The following CSNK1G2 variants were observed in gnomAD, a reference collection of about 807,000 sequenced individuals.
CSNK1G2 encodes casein kinase I isoform gamma-2.
CSNK1G2 carries 11 observed loss-of-function variants against 48.0 expected under a neutral mutation model. The ratio of observed to expected loss-of-function variants is 0.23; its 90% confidence interval spans 0.14 to 0.38. The LOEUF is 0.38. Among genes scored for constraint, CSNK1G2 ranks in the 10% least tolerant of loss-of-function variants. The pLI is 1.00. For missense variants in CSNK1G2, 446 were observed against 595.5 expected (o/e 0.75, Z 2.61); for synonymous variants, 337 against 254.1 (o/e 1.33, Z -3.10).
intron 2 of CSNK1G2, chr19:1,976,161 G>A (rs958396129): frequency 3.4e-6 from 4 of 1,182,660 alleles, no homozygotes; most frequent in Middle Eastern, 2.2e-4. Context: ...TTTGGGGCAC[G>A]GCTCCTGTTG....
At chr19:1,975,057 G>A in intron 2 of CSNK1G2, 1 of 985,426 alleles carries the variant, frequency 1.0e-6, no homozygotes, top group Non-Finnish European at 1.2e-6. Flanking sequence ...CCAGGTCTCT[G>A]ACACGCCAGC....
intron 1 of CSNK1G2, among the ~76,000 whole-genome samples, chr19:1,941,807 T>A (rs959415335): frequency 1.7e-5 from 2 of 116,652 alleles, no homozygotes; most frequent in African/African-American, 6.3e-5. Context: ...CCCCGGTGAC[T>A]GTCGTGCTCC....
chr19:1,969,994 G>A (rs772029532), intron 2 of CSNK1G2, 35 bp downstream of exon 2: 5 of 1,295,674 alleles, frequency 3.9e-6, no homozygotes, highest in Admixed American at 6.2e-5. Context: ...GGGGTCGGGA[G>A]GCTGCTGGCA....
chr19:1,972,876 G>A (rs111422313), intron 2 of CSNK1G2, among the ~76,000 whole-genome samples: 5 of 151,358 alleles, frequency 3.3e-5, no homozygotes, highest in South Asian at 4.2e-4. Flanking sequence ...CACCTGCCTC[G>A]GCCTCCCAAA....
intron 1 of CSNK1G2, among the ~76,000 whole-genome samples, chr19:1,944,343 T>G (rs62129468): frequency 0.018 from 2,664 of 152,192 alleles, 47 homozygotes; most frequent in Non-Finnish European, 0.026. Context: ...CGCGTCTGCT[T>G]CTTCCTCATT....
chr19:1,956,971 C>T (rs1017837419), intron 1 of CSNK1G2, among the ~76,000 whole-genome samples: 11 of 152,214 alleles, frequency 7.2e-5, no homozygotes, highest in Non-Finnish European at 1.3e-4. Flanking sequence ...GCCAATGGCT[C>T]ACCTGGAAGA....
At position 1,979,224 on chromosome 19, in the gene CSNK1G2, C is replaced by T. The variant is rs1421383407; in HGVS notation, c.744C>T (p.Gly248=). ...LGHMFMYFLR[G]SLPWQGLKAD... ...ACATGTTCATGTACTTCCTGCGCGG[C>T]AGCCTCCCCTGGCAGGGGCTCAAGG... The change falls in exon 7 of 12, where the codon GGC becomes GGT. Residue 248 remains glycine, a synonymous_variant. Transcript: ENST00000255641. 2 of 1,551,734 alleles carry T rather than the reference C, an allele frequency of 1.3e-6. No individual in the cohort carries two copies. Among genetic ancestry groups the T allele is most frequent in the African/African-American group, 1.4e-5 (1 of 73,410 alleles).
At chr19:1,975,891 C>T in intron 2 of CSNK1G2, 5 of 667,492 alleles carry the variant, frequency 7.5e-6, no homozygotes, top group Non-Finnish European at 9.3e-6. Context: ...CAAAAATTAG[C>T]CAGGTTGATG....
At chr19:1,951,266 G>A (rs561171223) in intron 1 of CSNK1G2, among the ~76,000 whole-genome samples, 1 of 144,864 alleles carries the variant, frequency 6.9e-6, no homozygotes, top group African/African-American at 2.7e-5. Context: ...AGCCGGGCGT[G>A]GTGGCGGGCG....
At chr19:1,975,399 C>T (rs1034246841) in intron 2 of CSNK1G2, 19 of 985,344 alleles carry the variant, frequency 1.9e-5, no homozygotes, top group African/African-American at 3.5e-5. Context: ...GACGGCTGCC[C>T]GCAGGAAGAG....
chr19:1,941,747 T>C (rs2014370968), intron 1 of CSNK1G2, among the ~76,000 whole-genome samples: 2 of 143,474 alleles, frequency 1.4e-5, no homozygotes, highest in Non-Finnish European at 3.0e-5. Flanking sequence ...CCAGTGACCC[T>C]CACACTCCAG....
At chr19:1,976,816 C>G (rs1468767184) in intron 2 of CSNK1G2, among the ~76,000 whole-genome samples, 1 of 151,920 alleles carries the variant, frequency 6.6e-6, no homozygotes, top group Non-Finnish European at 1.5e-5. Context: ...CTCAGCTCAC[C>G]ACAACCTTCA....
intron 1 of CSNK1G2, among the ~76,000 whole-genome samples, chr19:1,951,976 G>T (rs1180718028): frequency 2.0e-5 from 3 of 152,156 alleles, no homozygotes; most frequent in Admixed American, 2.0e-4. Context: ...CACCGGGCCC[G>T]GCCATTCTCT....
chr19:1,954,231 G>A (rs558375778), intron 1 of CSNK1G2: 11 of 337,862 alleles, frequency 3.3e-5, no homozygotes, highest in East Asian at 1.5e-4. Flanking sequence ...TCTGCCCTGC[G>A]TCACTGGGCT....
rs559611071 is a variant in CSNK1G2, at chr19:1,965,764, G to C, written c.-265-3744G>C. On this transcript the variant is annotated intron_variant, in intron 1 of 11. Coordinates refer to ENST00000255641, the MANE Select transcript of CSNK1G2 (RefSeq NM_001319.7). ...TCTGCCCGCCTCAGCCTCCCAAAGT[G>C]CTGGGACTACAGGCCTGAGCCACTG... 5.9e-5 allele frequency among the ~76,000 whole-genome samples: 9 copies of C among 152,140 alleles called. No homozygotes were observed. In the South Asian group the frequency reaches 1.9e-3, roughly 32 times the overall value.
At chr19:1,950,577 TTGTC>T (rs1225951538) in intron 1 of CSNK1G2, among the ~76,000 whole-genome samples, 1 of 146,304 alleles carries the variant, frequency 6.8e-6, no homozygotes, top group Non-Finnish European at 1.5e-5. Flanking sequence ...CCAGAGAAAA[TTGTC>T]TGAGGCCTCT....
At chr19:1,960,228 T>TCAGTCCACAGTCCACAGGGGGA (rs1454098278) in intron 1 of CSNK1G2, among the ~76,000 whole-genome samples, 1 of 152,210 alleles carries the variant, frequency 6.6e-6, no homozygotes, top group Non-Finnish European at 1.5e-5. Context: ...CTTCTCGCCC[T>TCAGTCCACAGTCCACAGGGGGA]CAGTCCACAG....
chr19:1,979,958 C>G lies in CSNK1G2; in HGVS notation c.1134C>G (p.Ala378=), dbSNP rs145273318. The G allele has an allele frequency of 6.3e-7, 1 of 1,597,452 alleles. No individual in the cohort carries two copies. Among genetic ancestry groups the G allele is most frequent in the African/African-American group, 1.3e-5 (1 of 74,624 alleles). Residue 378 remains alanine (A), a synonymous_variant, in exon 11 of 12, where the codon GCC becomes GCG. Coordinates refer to ENST00000255641, the MANE Select transcript of CSNK1G2 (RefSeq NM_001319.7). ...NGELNADDPT[A]GHSNAPITAP... The stretch of plus-strand genomic sequence containing the variant: ...AGCTGAATGCGGACGACCCCACGGC[C>G]GGCCACTCCAACGCCCCGATCACAG...
chr19:1,951,681 C>T (rs1255611831), intron 1 of CSNK1G2, among the ~76,000 whole-genome samples: 1 of 100,534 alleles, frequency 9.9e-6, no homozygotes, highest in East Asian at 2.8e-4. Context: ...CCTTCCTCTT[C>T]TCTGCTGTTT....
Sources: gnomAD v4.1 joint callset for allele counts (sites outside exome capture counted in the v4.1 genomes callset) on GRCh38, gnomAD v4.1.1 for gene constraint, MANE v1.5 for transcripts, NCBI Gene and HGNC (gene_info 2026-07-23, HGNC 2026-07-21) for gene names.